Variants in OR7A5 observed in about 807,000 individuals in gnomAD.
OR7A5 encodes the protein olfactory receptor family 7 subfamily A member 5.
For missense variants in OR7A5, 319 were observed against 377.9 expected, an observed-to-expected ratio of 0.84 and a Z score of 1.29; for synonymous variants, 140 against 146.7, an observed-to-expected ratio of 0.95 and a Z score of 0.33.
At position 14,827,411 on chromosome 19, in the gene OR7A5, C is replaced by T; in HGVS notation, c.831G>A (p.Met277Ile). Residue 277 changes from methionine (M) to isoleucine (I), a missense_variant, in exon 2 of 2, where the codon ATG becomes ATA. By Grantham distance (10) the Met-to-Ile change is conservative (BLOSUM62 1). Coordinates refer to ENST00000322301, the MANE Select transcript of OR7A5 (RefSeq NM_017506.2). ...NSHSSATASV[M>I]YTVVTPMLNP... ...TCAGCATGGGGGTGACCACAGTGTA[C>T]ATCACTGAGGCTGTTGCACTTGAGT... 6.2e-7 allele frequency: 1 copy of T among 1,614,098 alleles called. No homozygotes were observed. Among genetic ancestry groups the T allele is most frequent in the South Asian group, 1.1e-5 (1 of 91,082 alleles).
chr19:14,828,862 T>C (rs2044803096), intron 1 of OR7A5, among the ~76,000 whole-genome samples: 1 of 148,898 alleles, frequency 6.7e-6, no homozygotes, highest in South Asian at 2.1e-4. Context: ...GTCTAGATAA[T>C]GAGTGAACAA....
chr19:14,828,536 G>A (rs770549332), intron 1 of OR7A5, among the ~76,000 whole-genome samples: 28 of 151,998 alleles, frequency 1.8e-4, no homozygotes, highest in Admixed American at 7.2e-4. Context: ...CAAAGCAGGC[G>A]GATCACGAGG....
chr19:14,827,531 T>A lies in OR7A5; in HGVS notation c.711A>T (p.Ala237=), dbSNP rs2044782017. ...AGAGGTGAGATGCACAGGTGGAAAATGCCTTGTACTTCCCCTGAGCTGATG... is the reference window on the plus strand; with the variant it reads ...AGAGGTGAGATGCACAGGTGGAAAAAGCCTTGTACTTCCCCTGAGCTGATG... ...AISSAQGKYK[A]FSTCASHLSV... is the part of the protein sequence containing the mutation. Residue 237 remains alanine, a synonymous_variant, in exon 2 of 2, where the codon GCA becomes GCT. Coordinates refer to ENST00000322301, the MANE Select transcript of OR7A5 (RefSeq NM_017506.2). The A allele has an allele frequency of 1.2e-6, 2 of 1,613,910 alleles. No individual in the cohort carries two copies. Among genetic ancestry groups the A allele is most frequent in the African/African-American group, 2.7e-5 (2 of 74,844 alleles).
At position 14,828,023 on chromosome 19, in the gene OR7A5, AAC is replaced by A. The variant is rs374740501; in HGVS notation, c.217_218del (p.Val73TyrfsTer38). 17 of 1,614,208 alleles carry A rather than the reference AAC, an allele frequency of 1.1e-5. No individual in the cohort carries two copies. Among genetic ancestry groups the A allele is most frequent in the Middle Eastern group, 3.3e-4 (2 of 6,062 alleles). On this transcript the variant is annotated frameshift_variant, in exon 2 of 2. Coordinates refer to ENST00000322301, the MANE Select transcript of OR7A5 (RefSeq NM_017506.2). LOFTEE classifies it low-confidence loss of function (END_TRUNC). ...GCATTTTTGGAATGGTGGTGGAAGT[AAC>A]ACAAATGTCAGCAAAGGACAGGTTG... ...LSNLSFADIC[V>X]TSTTIPKMLM...
chr19:14,833,306 C>T (rs10402202), intron 1 of OR7A5, among the ~76,000 whole-genome samples: 1,889 of 152,276 alleles, frequency 0.012, 34 homozygotes, highest in African/African-American at 0.042. Context: ...TGGCGAAACG[C>T]CATCTCTACC....
chr19:14,829,262 G>A (rs1318655787), intron 1 of OR7A5, among the ~76,000 whole-genome samples: 1 of 152,210 alleles, frequency 6.6e-6, no homozygotes, highest in Admixed American at 6.5e-5. Context: ...GGAGCGCAGT[G>A]GCGCAATCTC....
chr19:14,827,771 C>T lies in OR7A5; in HGVS notation c.471G>A (p.Leu157=). The T allele has an allele frequency of 6.2e-7, 1 of 1,614,102 alleles. No homozygotes were observed. The highest frequency in any genetic ancestry group is 2.2e-5 in the East Asian group (1 of 44,876). ...GCCGTACTACCATTAAGATTTGTAG[C>T]AAGGAATACAGAGCACTCATGGTCC... ...ASWTMSALYS[L]LQILMVVRLS... is the part of the protein sequence containing the mutation. The change falls in exon 2 of 2, where the codon TTG becomes TTA. Residue 157 remains leucine, a synonymous_variant. Coordinates refer to ENST00000322301, the MANE Select transcript of OR7A5 (RefSeq NM_017506.2).
Position 14,827,090 on chromosome 19 carries a change from GA to G in OR7A5, c.*191del, listed in dbSNP as rs974726896. ...TGAGAAAGTAGGAAAACAACAAAGAGAAAAAACTGTTGGATATCAGAGAGCA... is the reference window on the plus strand; with the variant it reads ...TGAGAAAGTAGGAAAACAACAAAGAGAAAAACTGTTGGATATCAGAGAGCA... On this transcript the variant is annotated 3_prime_UTR_variant, in exon 2 of 2. Transcript: ENST00000322301. The G allele has an allele frequency of 1.5e-5, 7 of 480,784 alleles. No individual in the cohort carries two copies. The highest frequency in any genetic ancestry group is 2.0e-5 in the African/African-American group (1 of 49,704). The allele number at this position is 480,784 out of a possible 1,614,324, so 29.8% of individuals were successfully genotyped here. A position where few individuals can be genotyped will look rare whatever the true frequency, so the allele number is the denominator to read the frequency against.
At chr19:14,833,523 A>G (rs1168931180) in intron 1 of OR7A5, among the ~76,000 whole-genome samples, 1 of 152,244 alleles carries the variant, frequency 6.6e-6, no homozygotes, top group Non-Finnish European at 1.5e-5. Context: ...CAGGGAAACT[A>G]CATATGAAAT....
chr19:14,832,203 C>T (rs2044840108), intron 1 of OR7A5, among the ~76,000 whole-genome samples: 1 of 152,186 alleles, frequency 6.6e-6, no homozygotes, highest in South Asian at 2.1e-4. Flanking sequence ...AGTCACCTCG[C>T]TTGGCCTGAC....
At chr19:14,832,020 T>G (rs1425519925) in intron 1 of OR7A5, among the ~76,000 whole-genome samples, 1 of 152,130 alleles carries the variant, frequency 6.6e-6, no homozygotes, top group African/African-American at 2.4e-5. Flanking sequence ...ATAATACTCA[T>G]GCCTCAGCTT....
chr19:14,827,867 G>A lies in OR7A5; in HGVS notation c.375C>T (p.Ala125=), dbSNP rs1479911810. The change falls in exon 2 of 2, where the codon GCC becomes GCT. Residue 125 remains alanine, a synonymous_variant. Transcript: ENST00000322301. ...LSVMAYDRFV[A]ICHPLHYMVI... ...CCATGTAGTGCAGGGGGTGACAGAT[G>A]GCCACAAACCGGTCATAGGCCATCA... 6.2e-7 allele frequency: 1 copy of A among 1,614,048 alleles called. No homozygotes were observed. Among genetic ancestry groups the A allele is most frequent in the Non-Finnish European group, 8.5e-7 (1 of 1,180,044 alleles).
chr19:14,829,551 G>A (rs2044810765), intron 1 of OR7A5, among the ~76,000 whole-genome samples: 2 of 152,156 alleles, frequency 1.3e-5, no homozygotes, highest in Admixed American at 1.3e-4. Flanking sequence ...AGCCAGTGTG[G>A]CCAGGGAATC....
chr19:14,826,262 A>G lies in OR7A5; in HGVS notation c.*1020T>C, dbSNP rs146558357. On this transcript the variant is annotated 3_prime_UTR_variant, in exon 2 of 2. Coordinates refer to ENST00000322301, the MANE Select transcript of OR7A5 (RefSeq NM_017506.2). ...AAGGTTTTGTGTGAGTCATTCTTTAATCATGAGTATTTAAGAGAATTTAGA... is the reference window on the plus strand; with the variant it reads ...AAGGTTTTGTGTGAGTCATTCTTTAGTCATGAGTATTTAAGAGAATTTAGA... 9.2e-5 allele frequency: 14 copies of G among 152,314 alleles called. No individual in the cohort carries two copies. In the East Asian group the frequency reaches 1.9e-3, roughly 21 times the overall value. 9.4% of individuals were successfully genotyped at this position (152,314 alleles called of 1,614,324 possible).
In OR7A5 at chr19:14,827,031, C is replaced by T. The variant is rs1025649284; in HGVS notation, c.*251G>A. On this transcript the variant is annotated 3_prime_UTR_variant, in exon 2 of 2. Transcript: ENST00000322301. Reference sequence around the variant, plus strand: ...CCTGTATGAGACAAATGGAAATCTCCAAAGTGTTTCTGATCCAAAGTCGGA... The same window carrying T: ...CCTGTATGAGACAAATGGAAATCTCTAAAGTGTTTCTGATCCAAAGTCGGA... 6.1e-6 allele frequency: 2 copies of T among 325,964 alleles called. No homozygotes were observed. Among genetic ancestry groups the T allele is most frequent in the Non-Finnish European group, 1.1e-5 (2 of 181,528 alleles). 20.2% of individuals were successfully genotyped at this position (325,964 alleles called of 1,614,324 possible).
rs1468577708 is a variant in OR7A5, at chr19:14,827,830, G to C, written c.412C>G (p.Pro138Ala). 4 of 1,614,126 alleles carry C rather than the reference G, an allele frequency of 2.5e-6. No homozygotes were observed. Among genetic ancestry groups the C allele is most frequent in the Admixed American group, 1.7e-5 (1 of 60,014 alleles). ...AGAACCAGCAGTCCACAGAGGTGAG[G>C]GTTCATAATGACCATGTAGTGCAGG... The part of the protein sequence containing the change: ...HPLHYMVIMN[P>A]HLCGLLVLAS... Residue 138 changes from proline to alanine, a missense_variant, in exon 2 of 2, where the codon CCT becomes GCT. Physicochemically the swap from Pro to Ala is conservative, Grantham distance 27. Coordinates refer to ENST00000322301, the MANE Select transcript of OR7A5 (RefSeq NM_017506.2).
intron 1 of OR7A5, among the ~76,000 whole-genome samples, chr19:14,834,653 G>A (rs900013783): frequency 6.7e-6 from 1 of 148,994 alleles, no homozygotes; most frequent in South Asian, 2.1e-4. Context: ...TTTTTCTCAC[G>A]GGCATAGAAT....
Position 14,827,559 on chromosome 19 carries a change from A to G in OR7A5, c.683T>C (p.Ile228Thr), listed in dbSNP as rs2044782549. 1.9e-6 allele frequency: 3 copies of G among 1,614,150 alleles called. No individual in the cohort carries two copies. Among genetic ancestry groups the G allele is most frequent in the Non-Finnish European group, 2.5e-6 (3 of 1,180,038 alleles). Residue 228 changes from isoleucine to threonine, a missense_variant, in exon 2 of 2, where the codon ATC (isoleucine) becomes ACC (threonine). Ile to Thr is a moderately conservative substitution (Grantham distance 89). Coordinates refer to ENST00000322301, the MANE Select transcript of OR7A5 (RefSeq NM_017506.2). ...CTTGTACTTCCCCTGAGCTGATGAG[A>G]TTGCATGTATGGAAGAAATTATCTT... The part of the protein sequence containing the change: ...YSKIISSIHA[I>T]SSAQGKYKAF...
At position 14,827,465 on chromosome 19, in the gene OR7A5, G is replaced by A. The variant is rs201956812; in HGVS notation, c.777C>T (p.Tyr259=). ...AGTTGCGGGTGGCAGCAGAACTAAG[G>A]TACACCCCTAGGATTGCACCATAAA... ...SLFYGAILGV[Y]LSSAATRNSH... The change falls in exon 2 of 2, where the codon TAC becomes TAT. Residue 259 remains tyrosine, a synonymous_variant. Transcript: ENST00000322301. The A allele has an allele frequency of 1.2e-6, 2 of 1,613,966 alleles. No individual in the cohort carries two copies. Among genetic ancestry groups the A allele is most frequent in the Admixed American group, 1.7e-5 (1 of 59,978 alleles).
Sources: allele counts gnomAD v4.1 joint callset (sites outside exome capture counted in the v4.1 genomes callset), GRCh38; gene constraint gnomAD v4.1.1; transcripts MANE v1.5; gene names NCBI Gene and HGNC (gene_info 2026-07-23, HGNC 2026-07-21).